Variants in UBE2E1 observed in about 807,000 individuals in gnomAD.
UBE2E1 encodes the protein ubiquitin conjugating enzyme E2 E1.
In UBE2E1, 6 loss-of-function variants were observed where a neutral mutation model predicts 21.4. That is an observed-to-expected ratio of 0.28 (90% CI 0.15 to 0.55). The LOEUF is 0.55. Among genes scored for constraint, UBE2E1 ranks in the 20% least tolerant of loss-of-function variants. UBE2E1 has a pLI of 0.93. For missense variants in UBE2E1, 142 were observed against 236.5 expected, an observed-to-expected ratio of 0.60 and a Z score of 2.62; for synonymous variants, 87 against 82.7, an observed-to-expected ratio of 1.05 and a Z score of -0.28.
intron 3 of UBE2E1, among the ~76,000 whole-genome samples, chr3:23,871,361 C>CG: frequency 7.0e-6 from 1 of 143,834 alleles, no homozygotes; most frequent in South Asian, 2.2e-4. Flanking sequence ...ACCTCCCGGA[C>CG]GGGGCGGCTG....
chr3:23,807,359 G>T lies in UBE2E1; in HGVS notation c.90G>T (p.Lys30Asn). Residue 30 changes from lysine to asparagine, a missense_variant, in exon 2 of 6, where the codon AAG (lysine) becomes AAT (asparagine). Lys to Asn is a moderately conservative substitution (Grantham distance 94, BLOSUM62 0). This residue lies in a region of UBE2E1 where 55 missense variants were observed against 51.5 expected (regional missense o/e 1.07). Coordinates refer to ENST00000306627, the MANE Select transcript of UBE2E1 (RefSeq NM_003341.5). The stretch of plus-strand genomic sequence containing the variant: ...CCGAGAAAGAAACAAACACCCCCAA[G>T]AAGAAGGAGAGTAAAGTCAGCATGA... Reference protein sequence around the residue: ...QQTEKETNTPKKKESKVSMSK... With the variant: ...QQTEKETNTPNKKESKVSMSK... The T allele has an allele frequency of 1.2e-6, 2 of 1,613,728 alleles. No individual in the cohort carries two copies. Among genetic ancestry groups the T allele is most frequent in the African/African-American group, 2.7e-5 (2 of 74,980 alleles).
At position 23,810,979 on chromosome 3, in the gene UBE2E1, G is replaced by C. The variant is rs1699376946; in HGVS notation, c.153-481G>C. 1.2e-5 allele frequency: 2 copies of C among 162,140 alleles called. No homozygotes were observed. The highest frequency in any genetic ancestry group is 4.8e-5 in the African/African-American group (2 of 41,584). The allele number at this position is 162,140 out of a possible 1,614,324, so 10.0% of individuals were successfully genotyped here. A position where few individuals can be genotyped will look rare whatever the true frequency, so the allele number is the denominator to read the frequency against. ...ACTCCGGGCGGGTCGGGTGTTGAGC[G>C]AGGCCTCGGACCTTCGGCCTGTCGG... On this transcript the variant is annotated intron_variant, in intron 2 of 5. Coordinates refer to ENST00000306627, the MANE Select transcript of UBE2E1 (RefSeq NM_003341.5). The surrounding 1 kb of genome is among the most constrained non-coding windows in gnomAD (Gnocchi z 5.8).
At chr3:23,875,840 T>A (rs1346205163) in intron 3 of UBE2E1, among the ~76,000 whole-genome samples, 1 of 152,266 alleles carries the variant, frequency 6.6e-6, no homozygotes, top group Admixed American at 6.5e-5. Context: ...TGGCGTGATC[T>A]CATCTCACTG....
intron 3 of UBE2E1, chr3:23,879,420 C>T: frequency 2.2e-6 from 1 of 459,184 alleles, no homozygotes. Flanking sequence ...CAGTACAAAC[C>T]CAGGAAAACA....
In UBE2E1 at chr3:23,877,022, CAAAG is replaced by C. The variant is rs781323534; in HGVS notation, c.204-10537_204-10534del. Among the ~76,000 whole-genome samples the C allele has an allele frequency of 5.3e-5, 8 of 152,302 alleles. No individual in the cohort carries two copies. In the East Asian group the frequency reaches 9.6e-4, roughly 18 times the overall value. ...TGAGCAACAGAGTGAGACACTGTCT[CAAAG>C]AAAGAAACAGTTGGTATTCATTGCT... is the stretch of plus-strand genomic sequence containing the variant. On this transcript the variant is annotated intron_variant, in intron 3 of 5. Transcript: ENST00000306627.
In UBE2E1 at chr3:23,807,431, T is replaced by A; in HGVS notation, c.152+10T>A. ...CCACCAGCGCCAAGAGGTACTGTGC[T>A]CTTTTTTTTTTCCACAGGCTTCCTA... On this transcript the variant is annotated intron_variant, in intron 2 of 5. Coordinates refer to ENST00000306627, the MANE Select transcript of UBE2E1 (RefSeq NM_003341.5). 1 of 1,587,652 alleles carries A rather than the reference T, an allele frequency of 6.3e-7. No homozygotes were observed. The highest frequency in any genetic ancestry group is 1.2e-5 in the South Asian group (1 of 85,504).
At chr3:23,820,111 C>T (rs1699615788) in intron 3 of UBE2E1, among the ~76,000 whole-genome samples, 1 of 152,182 alleles carries the variant, frequency 6.6e-6, no homozygotes, top group Non-Finnish European at 1.5e-5. Context: ...GTTAGAGTTG[C>T]TGGCACCCGC....
chr3:23,854,263 A>G lies in UBE2E1; in HGVS notation c.204-33304A>G, dbSNP rs578054731. ...AGTCTCAAAAAAAAAAAAAAAAAAA[A>G]GCTTTATGCATCTACCCACAGTGAT... On this transcript the variant is annotated intron_variant, in intron 3 of 5. Coordinates refer to ENST00000306627, the MANE Select transcript of UBE2E1 (RefSeq NM_003341.5). Among the ~76,000 whole-genome samples the G allele has an allele frequency of 2.0e-5, 3 of 150,888 alleles. No homozygotes were observed. In the South Asian group the frequency reaches 6.3e-4, roughly 32 times the overall value.
chr3:23,841,257 G>A (rs774179227), intron 3 of UBE2E1, among the ~76,000 whole-genome samples: 1 of 152,154 alleles, frequency 6.6e-6, no homozygotes, highest in Non-Finnish European at 1.5e-5. Flanking sequence ...GCTATAAATG[G>A]GTAAGAGTTA....
At chr3:23,825,255 A>C (rs1376383197) in intron 3 of UBE2E1, among the ~76,000 whole-genome samples, 2 of 152,090 alleles carry the variant, frequency 1.3e-5, no homozygotes, top group Non-Finnish European at 2.9e-5. Flanking sequence ...CTGCCTGTTT[A>C]CTTGTGACCT....
chr3:23,869,351 C>CTTTTTTTTTTTTTTT (rs58059005), intron 3 of UBE2E1, among the ~76,000 whole-genome samples: 1 of 114,598 alleles, frequency 8.7e-6, no homozygotes, highest in African/African-American at 4.2e-5. Flanking sequence ...TTATGGTATC[C>CTTTTTTTTTTTTTTT]TTTTTTTTTT....
intron 3 of UBE2E1, among the ~76,000 whole-genome samples, chr3:23,831,438 A>G (rs1699863842): frequency 6.6e-6 from 1 of 151,800 alleles, no homozygotes; most frequent in African/African-American, 2.4e-5. Flanking sequence ...TCAGTCAGCT[A>G]TTTTGGTAAT....
At chr3:23,807,139 T>C in intron 1 of UBE2E1, 98 bp from the exon 2 acceptor site, 1 of 1,018,356 alleles carries the variant, frequency 9.8e-7, no homozygotes, top group Non-Finnish European at 1.4e-6. Flanking sequence ...GGCGGCCGCG[T>C]GCGCCCCTGG....
chr3:23,856,855 G>A (rs1700451482), intron 3 of UBE2E1, among the ~76,000 whole-genome samples: 1 of 152,078 alleles, frequency 6.6e-6, no homozygotes, highest in Admixed American at 6.6e-5. Flanking sequence ...GAAAAAAATG[G>A]AGTTGAGTGC....
At chr3:23,840,523 G>A (rs1428601617) in intron 3 of UBE2E1, among the ~76,000 whole-genome samples, 1 of 152,168 alleles carries the variant, frequency 6.6e-6, no homozygotes, top group Non-Finnish European at 1.5e-5. Context: ...GACCAGAACA[G>A]CTATTAAGGC....
chr3:23,817,437 AAG>A (rs199982399), intron 3 of UBE2E1, among the ~76,000 whole-genome samples: 20,910 of 87,990 alleles, frequency 0.24, 1,830 homozygotes, highest in South Asian at 0.31. Context: ...AAAAAAAAAA[AAG>A]AAAGAAAAGA....
In UBE2E1 at chr3:23,887,506, A is replaced by G. The variant is rs1701215958; in HGVS notation, c.204-61A>G. 6.4e-7 allele frequency: 1 copy of G among 1,560,360 alleles called. No individual in the cohort carries two copies. The highest frequency in any genetic ancestry group is 2.3e-5 in the East Asian group (1 of 44,422). On this transcript the variant is annotated intron_variant, in intron 3 of 5. Coordinates refer to ENST00000306627, the MANE Select transcript of UBE2E1 (RefSeq NM_003341.5). The surrounding 1 kb of genome is among the most constrained non-coding windows in gnomAD (Gnocchi z 4.4). ...AGAGGTAATCTTTCCATCTCTTTTA[A>G]TACACTGTAAAAATTGGGATAGTGC...
intron 3 of UBE2E1, among the ~76,000 whole-genome samples, chr3:23,880,368 A>T (rs1701010812): frequency 6.6e-6 from 1 of 152,166 alleles, no homozygotes; most frequent in Non-Finnish European, 1.5e-5. Flanking sequence ...GGATGACACA[A>T]GCGAAGCTCT....
chr3:23,836,726 C>G lies in UBE2E1; in HGVS notation c.203+25216C>G, dbSNP rs1699982482. On this transcript the variant is annotated intron_variant, in intron 3 of 5. Transcript: ENST00000306627. The surrounding 1 kb of genome is among the most constrained non-coding windows in gnomAD (Gnocchi z 4.1). ...ATGGTTGGGATAGAACATGGGTCTT[C>G]TGATTCTTAACCATTGTACACTCTC... Among the ~76,000 whole-genome samples, 1 of 152,168 alleles carries G rather than the reference C, an allele frequency of 6.6e-6. No homozygotes were observed. The highest frequency in any genetic ancestry group is 2.1e-4 in the South Asian group (1 of 4,830).
Sources: gnomAD v4.1 joint callset for allele counts (sites outside exome capture counted in the v4.1 genomes callset) on GRCh38, gnomAD v4.1.1 for gene constraint, gnomAD v4.1.1 regional missense constraint, Gnocchi (gnomAD v3.1) non-coding constraint, MANE v1.5 for transcripts, NCBI Gene and HGNC (gene_info 2026-07-23, HGNC 2026-07-21) for gene names.